The following MYLK variants were observed in gnomAD, a reference collection of about 807,000 sequenced individuals.
MYLK encodes the protein myosin light chain kinase.
A neutral mutation model predicts 203.4 loss-of-function variants in MYLK; 106 were observed. The observed-to-expected ratio is 0.52, with a 90% confidence interval of 0.45 to 0.61. The LOEUF (loss-of-function observed/expected upper bound fraction) is 0.61, where lower values mean the gene tolerates loss of function less well. Among genes scored for constraint, MYLK ranks in the 20% least tolerant of loss-of-function variants. The pLI is 0.00. For missense variants in MYLK, 2,072 were observed against 2,442.3 expected (o/e 0.85, Z 3.20); for synonymous variants, 867 against 959.5 (o/e 0.90, Z 1.78).
chr3:123,742,443 T>A (rs1311615652), intron 5 of MYLK, among the ~76,000 whole-genome samples: 1 of 152,200 alleles, frequency 6.6e-6, no homozygotes, highest in African/African-American at 2.4e-5. Context: ...GTACTCTGAG[T>A]AATTTTATTC....
In MYLK at chr3:123,618,692, C is replaced by G. The variant is rs140636141; in HGVS notation, c.5447G>C (p.Arg1816Pro). ...ACTTCCCTCCACAACTTCTAAATCGCGAATGGTCTTAGAGAAATAGGGTTT... is the reference window on the plus strand; with the variant it reads ...ACTTCCCTCCACAACTTCTAAATCGGGAATGGTCTTAGAGAAATAGGGTTT... Reference protein sequence around the residue: ...HVKPYFSKTIRDLEVVEGSAA... With the variant: ...HVKPYFSKTIPDLEVVEGSAA... Residue 1816 changes from arginine to proline, a missense_variant, in exon 33 of 34, where the codon CGC becomes CCC. This residue lies in a region of MYLK where 524 missense variants were observed against 782.4 expected (regional missense o/e 0.67). Coordinates refer to ENST00000360304, the MANE Select transcript of MYLK (RefSeq NM_053025.4). 1 of 1,614,028 alleles carries G rather than the reference C, an allele frequency of 6.2e-7. No homozygotes were observed. The highest frequency in any genetic ancestry group is 8.5e-7 in the Non-Finnish European group (1 of 1,180,030).
At chr3:123,719,252 C>A (rs149955984) in intron 13 of MYLK, among the ~76,000 whole-genome samples, 1 of 152,218 alleles carries the variant, frequency 6.6e-6, no homozygotes, top group Admixed American at 6.5e-5. Context: ...CCTCAACCAC[C>A]CCCGAGAGAA....
intron 33 of MYLK, chr3:123,617,133 A>T (rs979179495): frequency 3.3e-5 from 5 of 152,204 alleles, no homozygotes; most frequent in Non-Finnish European, 7.4e-5. Context: ...CAAAAGTTTC[A>T]ATTTTGTTTT....
At chr3:123,614,882 C>G (rs931664112) in intron 33 of MYLK, among the ~76,000 whole-genome samples, 4 of 151,862 alleles carry the variant, frequency 2.6e-5, no homozygotes, top group Admixed American at 6.6e-5. Context: ...ACATGGCTCA[C>G]TGCAGCCTCA....
chr3:123,854,165 G>A (rs563589335), intron 2 of MYLK, among the ~76,000 whole-genome samples: 6 of 149,202 alleles, frequency 4.0e-5, no homozygotes, highest in African/African-American at 1.2e-4. Flanking sequence ...GCATGATAGA[G>A]TCCAATCAAG....
At chr3:123,773,251 C>T (rs559071952) in intron 4 of MYLK, among the ~76,000 whole-genome samples, 14 of 152,072 alleles carry the variant, frequency 9.2e-5, no homozygotes, top group African/African-American at 3.1e-4. Flanking sequence ...TAACTTTTAA[C>T]GATTTACTTT....
intron 4 of MYLK, among the ~76,000 whole-genome samples, chr3:123,771,838 T>A (rs2063894975): frequency 6.6e-6 from 1 of 152,200 alleles, no homozygotes; most frequent in African/African-American, 2.4e-5. Context: ...CAACATTGAA[T>A]ATCTCATGTA....
At chr3:123,730,273 T>C (rs577809760) in intron 11 of MYLK, among the ~76,000 whole-genome samples, 26 of 152,184 alleles carry the variant, frequency 1.7e-4, no homozygotes, top group African/African-American at 6.3e-4. Flanking sequence ...AAATAACAAG[T>C]ATTGGTGAGA....
At chr3:123,739,854 T>C in intron 6 of MYLK, 99 bp downstream of exon 6, 1 of 1,319,708 alleles carries the variant, frequency 7.6e-7, no homozygotes, top group Middle Eastern at 1.8e-4. Context: ...TTGGTTATTA[T>C]AACCTAGGAG....
intron 32 of MYLK, among the ~76,000 whole-genome samples, 181 bp from the exon 33 acceptor site, chr3:123,618,951 T>C (rs2057682422): frequency 6.6e-6 from 1 of 152,252 alleles, no homozygotes; most frequent in South Asian, 2.1e-4. Context: ...AAATGGTTTT[T>C]GGCAGAAGAA....
chr3:123,645,866 G>A (rs763956287), intron 27 of MYLK, among the ~76,000 whole-genome samples: 7 of 152,342 alleles, frequency 4.6e-5, no homozygotes, highest in Non-Finnish European at 8.8e-5. Context: ...AAAGTAGGTT[G>A]GGTGCGGTGG....
At chr3:123,786,102 A>G (rs2064508237) in intron 4 of MYLK, among the ~76,000 whole-genome samples, 2 of 152,124 alleles carry the variant, frequency 1.3e-5, no homozygotes, top group Non-Finnish European at 2.9e-5. Flanking sequence ...CAGGAGTTCG[A>G]GACCAGCCTA....
At position 123,700,072 on chromosome 3, in the gene MYLK, C is replaced by T. The variant is rs201930278; in HGVS notation, c.3396G>A (p.Thr1132=). ...TGGTCTTGAGGGTCTTTCCGTTCAG[C>T]GTCCAGATGATGGTGGCTGGGGGGT... The part of the protein sequence containing the change: ...SSDPPATIIW[T]LNGKTLKTTK... Residue 1132 remains threonine, a synonymous_variant, in exon 18 of 34, where the codon ACG becomes ACA. Coordinates refer to ENST00000360304, the MANE Select transcript of MYLK (RefSeq NM_053025.4). 1.8e-5 allele frequency: 29 copies of T among 1,613,974 alleles called. No homozygotes were observed. Among genetic ancestry groups the T allele is most frequent in the African/African-American group, 1.3e-4 (10 of 74,962 alleles).
intron 24 of MYLK, among the ~76,000 whole-genome samples, chr3:123,654,973 C>T (rs2059347558): frequency 6.6e-6 from 1 of 152,180 alleles, no homozygotes; most frequent in African/African-American, 2.4e-5. Flanking sequence ...CCGCTTCAGC[C>T]TCCCAAATTG....
chr3:123,852,743 C>G (rs979996993), intron 2 of MYLK, among the ~76,000 whole-genome samples: 7 of 152,080 alleles, frequency 4.6e-5, no homozygotes, highest in Admixed American at 2.0e-4. Context: ...AGTAGATCTC[C>G]AGACAGAATT....
chr3:123,713,615 G>A (rs2108680070), intron 13 of MYLK, among the ~76,000 whole-genome samples: 1 of 139,896 alleles, frequency 7.1e-6, no homozygotes, highest in South Asian at 2.4e-4. Flanking sequence ...GTGTGTGTGT[G>A]TGTGTGTGTG....
At chr3:123,701,657 G>A in intron 16 of MYLK, 148 bp from the exon 17 acceptor site, 1 of 751,992 alleles carries the variant, frequency 1.3e-6, no homozygotes, top group Non-Finnish European at 2.4e-6. Context: ...TAGATTTAGG[G>A]CAGGACCCTC....
At chr3:123,875,647 T>A (rs955453728) in intron 2 of MYLK, among the ~76,000 whole-genome samples, 3 of 152,232 alleles carry the variant, frequency 2.0e-5, no homozygotes, top group African/African-American at 7.2e-5. Context: ...TTTTACTGTA[T>A]ATAAATTATA....
chr3:123,870,638 C>A (rs1165337940), intron 2 of MYLK, among the ~76,000 whole-genome samples: 1 of 152,226 alleles, frequency 6.6e-6, no homozygotes, highest in Non-Finnish European at 1.5e-5. Flanking sequence ...CATTAGTAGA[C>A]TAAAGCAGGT....
Sources: allele counts gnomAD v4.1 joint callset (sites outside exome capture counted in the v4.1 genomes callset), GRCh38; gene constraint gnomAD v4.1.1; regional missense constraint gnomAD v4.1.1; transcripts MANE v1.5; gene names NCBI Gene and HGNC (gene_info 2026-07-23, HGNC 2026-07-21).